CLASRP: variants seen among roughly 807,000 people sequenced by gnomAD.
The protein encoded by CLASRP is CLK4-associating serine/arginine rich protein.
A neutral mutation model predicts 99.9 loss-of-function variants in CLASRP; 52 were observed. The ratio of observed to expected loss-of-function variants is 0.52; its 90% CI spans 0.42 to 0.66. The LOEUF (loss-of-function observed/expected upper bound fraction) is 0.66. Ranked by LOEUF, CLASRP falls within the 30% of genes least tolerant of loss-of-function variation. CLASRP has a pLI of 0.00. For missense variants in CLASRP, 848 were observed against 999.2 expected, an observed-to-expected ratio of 0.85 and a Z score of 2.04; for synonymous variants, 379 against 373.0, an observed-to-expected ratio of 1.02 and a Z score of -0.18.
At chr19:45,050,758 G>A (rs1031783677) in intron 2 of CLASRP, among the ~76,000 whole-genome samples, 1 of 151,912 alleles carries the variant, frequency 6.6e-6, no homozygotes, top group African/African-American at 2.4e-5. Flanking sequence ...TGTCCCCCAG[G>A]CTGGAGTGCA....
chr19:45,044,379 C>G (rs1184710011), intron 2 of CLASRP, among the ~76,000 whole-genome samples: 1 of 152,196 alleles, frequency 6.6e-6, no homozygotes, highest in Non-Finnish European at 1.5e-5. Context: ...TCCGCTTCAT[C>G]AAAGCCACAC....
chr19:45,058,174 T>G, intron 7 of CLASRP: 1 of 466,464 alleles, frequency 2.1e-6, no homozygotes, highest in East Asian at 3.8e-5. Flanking sequence ...TGGGCCGGCC[T>G]CTCTCTGCCT....
intron 13 of CLASRP, among the ~76,000 whole-genome samples, chr19:45,066,667 C>T (rs746959970): frequency 4.0e-5 from 6 of 148,464 alleles, no homozygotes; most frequent in Admixed American, 2.0e-4. Flanking sequence ...GCAGAGTCAG[C>T]GTGTGGCCCA....
intron 5 of CLASRP, among the ~76,000 whole-genome samples, chr19:45,054,395 G>A (rs1972083393): frequency 2.0e-5 from 3 of 152,156 alleles, no homozygotes; most frequent in East Asian, 1.9e-4. Flanking sequence ...GATTACCGGC[G>A]CATGCCACCA....
At chr19:45,062,324 T>G in intron 11 of CLASRP, 129 bp downstream of exon 11, 1 of 644,694 alleles carries the variant, frequency 1.6e-6, no homozygotes, top group South Asian at 1.9e-5. Flanking sequence ...TGATATGTTC[T>G]GGGTCTGAAT....
rs1045226363 is a variant in CLASRP at position 45,067,819 on chromosome 19, C to T, written c.1668-196C>T. ...GGATCTGCACAATTAGAACCTTGTC[C>T]TGGGTGAGGGTCAGAGGGGGACAGG... On this transcript the variant is annotated intron_variant, in intron 14 of 20. Coordinates refer to ENST00000221455, the MANE Select transcript of CLASRP (RefSeq NM_007056.3). This position sits in a 1 kb window ranked among gnomAD's most constrained non-coding sequence, Gnocchi z 4.9. 1.3e-5 allele frequency among the ~76,000 whole-genome samples: 2 copies of T among 152,110 alleles called. No individual in the cohort carries two copies. Among genetic ancestry groups the T allele is most frequent in the African/African-American group, 2.4e-5 (1 of 41,406 alleles).
chr19:45,070,584 A>G (rs761794940), intron 20 of CLASRP, 23 bp downstream of exon 20: 8 of 1,607,822 alleles, frequency 5.0e-6, no homozygotes, highest in South Asian at 3.3e-5. Context: ...ATGACCCTCC[A>G]CTTTCTTGGA....
At chr19:45,057,996 G>C in intron 7 of CLASRP, 98 bp downstream of exon 7, 1 of 1,489,696 alleles carries the variant, frequency 6.7e-7, no homozygotes, top group Non-Finnish European at 9.1e-7. Flanking sequence ...CTTACGAACC[G>C]TGTCTCTCTC....
intron 7 of CLASRP, among the ~76,000 whole-genome samples, chr19:45,058,632 G>C (rs1270465870): frequency 1.3e-5 from 2 of 152,030 alleles, no homozygotes; most frequent in African/African-American, 4.8e-5. Flanking sequence ...TGATCCACTT[G>C]CCTCGGCCTC....
chr19:45,048,009 A>G (rs1971953293), intron 2 of CLASRP, among the ~76,000 whole-genome samples: 1 of 151,730 alleles, frequency 6.6e-6, no homozygotes, highest in Non-Finnish European at 1.5e-5. Flanking sequence ...TGGGAGGCGG[A>G]GGTTGCAGTG....
At position 45,052,057 on chromosome 19, in the gene CLASRP, G is replaced by A; in HGVS notation, c.100-14G>A. ...TCTGTTGGGTGGTGACCTCAGTCCTGTTTACCCCTGCAGAAGAAGGACCCA... is the reference window on the plus strand; with the variant it reads ...TCTGTTGGGTGGTGACCTCAGTCCTATTTACCCCTGCAGAAGAAGGACCCA... On this transcript the variant is annotated splice_polypyrimidine_tract_variant and intron_variant, in intron 2 of 20. Coordinates refer to ENST00000221455, the MANE Select transcript of CLASRP (RefSeq NM_007056.3). The A allele has an allele frequency of 1.2e-6, 2 of 1,612,440 alleles. No individual in the cohort carries two copies. The highest frequency in any genetic ancestry group is 1.7e-5 in the Admixed American group (1 of 60,000).
chr19:45,055,249 T>A (rs930440075), intron 5 of CLASRP, among the ~76,000 whole-genome samples: 4 of 152,046 alleles, frequency 2.6e-5, no homozygotes, highest in African/African-American at 9.7e-5. Flanking sequence ...AGGACAGAAG[T>A]CCTGGATAGA....
chr19:45,059,311 A>G lies in CLASRP; in HGVS notation c.657A>G (p.Ala219=), dbSNP rs1239833753. The G allele has an allele frequency of 1.2e-6, 2 of 1,609,072 alleles. No homozygotes were observed. The highest frequency in any genetic ancestry group is 1.7e-6 in the Non-Finnish European group (2 of 1,177,666). The change falls in exon 8 of 21, where the codon GCA becomes GCG. Residue 219 remains alanine (A), a synonymous_variant. Coordinates refer to ENST00000221455, the MANE Select transcript of CLASRP (RefSeq NM_007056.3). ...DVDELNQEQV[A]DLNKQATTYG... ...ATGAATTGAACCAGGAGCAGGTGGC[A>G]GATCTCAACAAACAGGCCACGACTT...
Position 45,067,220 on chromosome 19 carries a change from T to G in CLASRP, c.1410-117T>G. The G allele has an allele frequency of 3.3e-6, 4 of 1,194,554 alleles. No homozygotes were observed. Among genetic ancestry groups the G allele is most frequent in the East Asian group, 2.7e-5 (1 of 37,354 alleles). The allele number at this position is 1,194,554 out of a possible 1,614,324, so 74.0% of individuals were successfully genotyped here. A position where few individuals can be genotyped will look rare whatever the true frequency, so the allele number is the denominator to read the frequency against. ...GAGGGAGAGTAGCAGGAGAGGAGAG[T>G]CGAGCCTGTCACCCTGGGCCTTGCA... On this transcript the variant is annotated intron_variant, in intron 13 of 20. Transcript: ENST00000221455. This position sits in a 1 kb window ranked among gnomAD's most constrained non-coding sequence, Gnocchi z 4.9.
rs375544536 is a variant in CLASRP, at chr19:45,064,889, CTG to C, written c.1409+262_1409+263del. On this transcript the variant is annotated intron_variant, in intron 13 of 20. Coordinates refer to ENST00000221455, the MANE Select transcript of CLASRP (RefSeq NM_007056.3). ...TCCACGACAGGGTGTGGAGAGGAGACTGTGCATCTCTCTCTCCTCAGGAGACT... is the reference window on the plus strand; with the variant it reads ...TCCACGACAGGGTGTGGAGAGGAGACTGCATCTCTCTCTCCTCAGGAGACT... 2.5e-3 allele frequency among the ~76,000 whole-genome samples: 381 copies of C among 152,266 alleles called. 2 individuals are homozygous for C. Among genetic ancestry groups the C allele is most frequent in the African/African-American group, 8.1e-3 (336 of 41,552 alleles).
chr19:45,060,961 C>G lies in CLASRP; in HGVS notation c.863+334C>G, dbSNP rs1455453688. Among the ~76,000 whole-genome samples, 1 of 152,224 alleles carries G rather than the reference C, an allele frequency of 6.6e-6. No homozygotes were observed. The highest frequency in any genetic ancestry group is 1.5e-5 in the Non-Finnish European group (1 of 68,050). On this transcript the variant is annotated intron_variant, in intron 10 of 20. Coordinates refer to ENST00000221455, the MANE Select transcript of CLASRP (RefSeq NM_007056.3). The surrounding 1 kb of genome is among the most constrained non-coding windows in gnomAD (Gnocchi z 4.6). ...ACTCTCACCCAGTTCTGCTGCTTGG[C>G]TTCTTCCTGTGTCGGAGTTTGGACA...
At chr19:45,051,558 G>C (rs1972023457) in intron 2 of CLASRP, among the ~76,000 whole-genome samples, 1 of 152,058 alleles carries the variant, frequency 6.6e-6, no homozygotes, top group South Asian at 2.1e-4. Flanking sequence ...TGCCTGCCTT[G>C]GCCTCCCAAA....
intron 18 of CLASRP, 74 bp from the exon 19 acceptor site, chr19:45,069,945 GTGT>G: frequency 1.2e-6 from 1 of 814,166 alleles, no homozygotes; most frequent in South Asian, 1.4e-5. Context: ...TCGGAGTAGG[GTGT>G]TGGAAGCACC....
Position 45,058,018 on chromosome 19 carries a change from C to G in CLASRP, c.613+120C>G, listed in dbSNP as rs1003957920. The G allele has an allele frequency of 3.2e-6, 4 of 1,244,246 alleles. No homozygotes were observed. The African/African-American group carries it at 4.5e-5, about 14-fold the overall frequency. The allele number at this position is 1,244,246 out of a possible 1,614,324, so 77.1% of individuals were successfully genotyped here. A position where few individuals can be genotyped will look rare whatever the true frequency, so the allele number is the denominator to read the frequency against. Reference sequence around the variant, plus strand: ...ACCGTGTCTCTCTCCCTACCCCGCCCCAGGGCACACCAGCCTCCTGCTGCC... The same window carrying G: ...ACCGTGTCTCTCTCCCTACCCCGCCGCAGGGCACACCAGCCTCCTGCTGCC... On this transcript the variant is annotated intron_variant, in intron 7 of 20. Transcript: ENST00000221455.
Sources: allele counts gnomAD v4.1 joint callset (sites outside exome capture counted in the v4.1 genomes callset), GRCh38; gene constraint gnomAD v4.1.1; non-coding constraint Gnocchi (gnomAD v3.1); transcripts MANE v1.5; gene names NCBI Gene and HGNC (gene_info 2026-07-23, HGNC 2026-07-21).